GRM1: variants seen among roughly 807,000 people sequenced by gnomAD.
The protein encoded by GRM1 is metabotropic glutamate receptor 1.
GRM1 carries 33 observed loss-of-function variants against 90.9 expected under a neutral mutation model. The ratio of observed to expected loss-of-function variants is 0.36; its 90% CI spans 0.28 to 0.49. The LOEUF is 0.49. GRM1 is among the 20% of genes least tolerant of loss of function. The probability of loss-of-function intolerance (pLI) is 0.99; values close to 1 mark genes in which losing one functional copy is unlikely to be tolerated. For synonymous variants in GRM1, 700 were observed against 613.2 expected (o/e 1.14, Z -2.09); for missense variants, 1,190 against 1,534.3 (o/e 0.78, Z 3.75).
chr6:146,246,209 C>T (rs908937198), intron 2 of GRM1, among the ~76,000 whole-genome samples: 1 of 152,166 alleles, frequency 6.6e-6, no homozygotes, highest in African/African-American at 2.4e-5. Context: ...ACAAATTTGC[C>T]TTCAACAACT....
At chr6:146,377,677 G>A (rs1039124692) in intron 5 of GRM1, among the ~76,000 whole-genome samples, 23 of 152,172 alleles carry the variant, frequency 1.5e-4, no homozygotes, top group African/African-American at 5.5e-4. Flanking sequence ...GTAGCCCAAT[G>A]CTAATCACCA....
chr6:146,119,846 T>C (rs138031360), intron 1 of GRM1, among the ~76,000 whole-genome samples: 3,390 of 152,276 alleles, frequency 0.022, 49 homozygotes, highest in Admixed American at 0.032. Context: ...TACTGTAGCC[T>C]TGTAGTATAG....
intron 1 of GRM1, among the ~76,000 whole-genome samples, chr6:146,145,019 A>G (rs1226396778): frequency 1.3e-5 from 2 of 152,236 alleles, no homozygotes; most frequent in East Asian, 3.8e-4. Flanking sequence ...AGTCCAACTT[A>G]AGAGTAATGA....
At chr6:146,176,714 A>G (rs1434736912) in intron 2 of GRM1, among the ~76,000 whole-genome samples, 1 of 152,142 alleles carries the variant, frequency 6.6e-6, no homozygotes, top group Non-Finnish European at 1.5e-5. Context: ...CTATACCAAA[A>G]TAATTAGTTG....
chr6:146,030,921 G>A (rs1406656112), intron 1 of GRM1, among the ~76,000 whole-genome samples: 6 of 152,042 alleles, frequency 3.9e-5, no homozygotes, highest in African/African-American at 1.4e-4. Flanking sequence ...AATAACACTG[G>A]TGACCACTTG....
Position 146,374,792 on chromosome 6 carries a change from C to T in GRM1, c.1603-12098C>T, listed in dbSNP as rs140139439. ...TTAGTTTGACTAAAGTTTTTCAACTCTGTTAACTTTTCAAAAAACCAACTT... is the reference window on the plus strand; with the variant it reads ...TTAGTTTGACTAAAGTTTTTCAACTTTGTTAACTTTTCAAAAAACCAACTT... On this transcript the variant is annotated intron_variant, in intron 5 of 7. Transcript: ENST00000282753. 9.3e-4 allele frequency among the ~76,000 whole-genome samples: 141 copies of T among 151,924 alleles called. 1 individual carries two copies. Among genetic ancestry groups the T allele is most frequent in the African/African-American group, 3.1e-3 (129 of 41,520 alleles).
chr6:146,351,228 T>A (rs1472766282), intron 3 of GRM1, among the ~76,000 whole-genome samples: 1 of 152,174 alleles, frequency 6.6e-6, no homozygotes, highest in Admixed American at 6.5e-5. Context: ...CATATGCAGC[T>A]AAATTGCTGA....
chr6:146,204,761 G>A (rs182475219), intron 2 of GRM1, among the ~76,000 whole-genome samples: 39 of 152,306 alleles, frequency 2.6e-4, no homozygotes, highest in Non-Finnish European at 1.9e-4. Flanking sequence ...GTGCTTTTGG[G>A]ATGCTCAGGT....
In GRM1 at chr6:146,435,609, G is replaced by T. The variant is rs1467369429; in HGVS notation, c.*813G>T. The stretch of plus-strand genomic sequence containing the variant: ...GAGCTAGAAATAGAACAATCCATCA[G>T]CATGAGACTTTGAAAAAAAAACACA... On this transcript the variant is annotated 3_prime_UTR_variant, in exon 8 of 8. Transcript: ENST00000282753. 1 of 152,446 alleles carries T rather than the reference G, an allele frequency of 6.6e-6. No homozygotes were observed. Among genetic ancestry groups the T allele is most frequent in the Non-Finnish European group, 1.5e-5 (1 of 68,042 alleles). 9.4% of individuals were successfully genotyped at this position (152,446 alleles called of 1,614,324 possible).
At chr6:146,368,158 A>T (rs1263007727) in intron 5 of GRM1, among the ~76,000 whole-genome samples, 1 of 146,230 alleles carries the variant, frequency 6.8e-6, no homozygotes, top group Non-Finnish European at 1.5e-5. Flanking sequence ...TCTTCTTCAG[A>T]TTGTTCACTA....
intron 2 of GRM1, among the ~76,000 whole-genome samples, chr6:146,224,546 C>A (rs958400718): frequency 1.3e-5 from 2 of 152,046 alleles, no homozygotes; most frequent in Non-Finnish European, 2.9e-5. Flanking sequence ...TTCTTCTAAC[C>A]TTAAGTGACA....
rs1006204180 is a variant in GRM1 at position 146,318,459 on chromosome 6, A to C, written c.1186+13613A>C. On this transcript the variant is annotated intron_variant, in intron 3 of 7. Coordinates refer to ENST00000282753, the MANE Select transcript of GRM1 (RefSeq NM_001278064.2). ...TGCTATTGTGAAAAGTGCTGCAATA[A>C]ACATACGTGTGCATGTGTATTTATG... 3.9e-5 allele frequency among the ~76,000 whole-genome samples: 6 copies of C among 152,306 alleles called. No homozygotes were observed. In the East Asian group the frequency reaches 7.7e-4, roughly 20 times the overall value.
intron 5 of GRM1, among the ~76,000 whole-genome samples, chr6:146,383,043 GGT>G (rs1213444148): frequency 0.018 from 2,740 of 152,082 alleles, 73 homozygotes; most frequent in African/African-American, 0.063. Flanking sequence ...GAGTCTAGAG[GGT>G]TGACTATGAA....
intron 2 of GRM1, among the ~76,000 whole-genome samples, chr6:146,197,927 A>G (rs73575006): frequency 0.053 from 8,078 of 152,276 alleles, 704 homozygotes; most frequent in African/African-American, 0.18. Flanking sequence ...TATAGTGCCT[A>G]TAGTTAGCAA....
chr6:146,425,665 T>C (rs969403), intron 7 of GRM1, among the ~76,000 whole-genome samples: 152,054 of 152,304 alleles, frequency 1, 75,902 homozygotes, highest in Middle Eastern at 1. Flanking sequence ...TTGAACCAGC[T>C]TCACCCATAC....
rs887929485 is a variant in GRM1 at position 146,390,585 on chromosome 6, TA to T, written c.1729+3580del. Among the ~76,000 whole-genome samples, 321 of 144,822 alleles carry T rather than the reference TA, an allele frequency of 2.2e-3. 1 individual carries two copies. Among genetic ancestry groups the T allele is most frequent in the African/African-American group, 4.5e-3 (178 of 39,712 alleles). On this transcript the variant is annotated intron_variant, in intron 6 of 7. Coordinates refer to ENST00000282753, the MANE Select transcript of GRM1 (RefSeq NM_001278064.2). The stretch of plus-strand genomic sequence containing the variant: ...GACAGACTACGCTACATTTTCTCAT[TA>T]AAAAAAAAAACGGAAAATGCTTTAT...
Position 146,399,302 on chromosome 6 carries a change from G to A in GRM1, c.2263G>A (p.Ala755Thr). Residue 755 changes from alanine (A) to threonine (T), a missense_variant, in exon 7 of 8, where the codon GCC becomes ACC. By Grantham distance (58) the Ala-to-Thr change is moderately conservative. This residue lies in a region of GRM1 where 414 missense variants were observed against 598.4 expected (regional missense o/e 0.69). Transcript: ENST00000282753. This position sits in a 1 kb window ranked among gnomAD's most constrained non-coding sequence, Gnocchi z 5.4. ...CAATACCAGCAACCTGGGTGTGGTG[G>A]CCCCTTTGGGCTACAATGGACTCCT... ...ICNTSNLGVV[A>T]PLGYNGLLIM... is the part of the protein sequence containing the mutation. 5 of 1,614,134 alleles carry A rather than the reference G, an allele frequency of 3.1e-6. No homozygotes were observed. The highest frequency in any genetic ancestry group is 1.1e-5 in the South Asian group (1 of 91,076).
At chr6:146,056,072 G>A (rs1404825725) in intron 1 of GRM1, among the ~76,000 whole-genome samples, 1 of 152,048 alleles carries the variant, frequency 6.6e-6, no homozygotes, top group Admixed American at 6.6e-5. Context: ...TTCAAAAATA[G>A]CCAGATTAGA....
intron 2 of GRM1, among the ~76,000 whole-genome samples, chr6:146,249,735 C>A (rs1487573353): frequency 6.6e-6 from 1 of 152,104 alleles, no homozygotes; most frequent in East Asian, 1.9e-4. Flanking sequence ...GAGAAGAGGG[C>A]CACCATCCTC....
Sources: gnomAD v4.1 joint callset for allele counts (sites outside exome capture counted in the v4.1 genomes callset) on GRCh38, gnomAD v4.1.1 for gene constraint, gnomAD v4.1.1 regional missense constraint, Gnocchi (gnomAD v3.1) non-coding constraint, MANE v1.5 for transcripts, NCBI Gene and HGNC (gene_info 2026-07-23, HGNC 2026-07-21) for gene names.